LOC122539214: variants seen among roughly 807,000 people sequenced by gnomAD.
the LOC122539214 span, among the ~76,000 whole-genome samples, chr19:52,688,888 C>T: frequency 6.7e-6 from 1 of 150,072 alleles, no homozygotes; most frequent in Non-Finnish European, 1.5e-5. Flanking sequence ...TAACGCTGTC[C>T]GAATAGCCAA....
the LOC122539214 span, among the ~76,000 whole-genome samples, chr19:52,668,242 C>T: frequency 6.6e-6 from 1 of 152,154 alleles, no homozygotes; most frequent in Non-Finnish European, 1.5e-5. Context: ...TCTTGTGCTG[C>T]TAACCACTGA....
the LOC122539214 span, among the ~76,000 whole-genome samples, chr19:52,677,217 G>GTAATTTATATAAAAA: frequency 6.6e-6 from 1 of 150,586 alleles, no homozygotes; most frequent in Admixed American, 6.6e-5. Context: ...TCAGCCTGCA[G>GTAATTTATATAAAAA]TTCACACCAC....
the LOC122539214 span, chr19:52,655,598 G>A: frequency 6.0e-5 from 90 of 1,503,620 alleles, 4 homozygotes; most frequent in East Asian, 2.9e-4. Context: ...CCAACATCAC[G>A]GCCCTGTATA....
chr19:52,663,296 C>T, the LOC122539214 span, among the ~76,000 whole-genome samples: 2 of 152,136 alleles, frequency 1.3e-5, no homozygotes, highest in African/African-American at 2.4e-5. Context: ...GACAGTAATA[C>T]GTTCAAAATA....
At chr19:52,679,622 A>G in the LOC122539214 span, among the ~76,000 whole-genome samples, 8 of 152,128 alleles carry the variant, frequency 5.3e-5, no homozygotes, top group African/African-American at 9.7e-5. Context: ...AAAAATAAAT[A>G]AATAAAAGAA....
At chr19:52,658,874 C>G in the LOC122539214 span, among the ~76,000 whole-genome samples, 2 of 152,192 alleles carry the variant, frequency 1.3e-5, no homozygotes, top group African/African-American at 4.8e-5. Context: ...TTTAATCATT[C>G]ATGAAACTAC....
the LOC122539214 span, among the ~76,000 whole-genome samples, chr19:52,685,365 T>C: frequency 6.6e-6 from 1 of 152,054 alleles, no homozygotes; most frequent in African/African-American, 2.4e-5. Context: ...ACGGGAAGGG[T>C]TGGTCTTTAT....
chr19:52,680,576 G>C, the LOC122539214 span, among the ~76,000 whole-genome samples: 3 of 146,670 alleles, frequency 2.0e-5, no homozygotes, highest in South Asian at 4.4e-4. Flanking sequence ...TTTCTCCACA[G>C]TTGTGTTTTA....
chr19:52,690,394 C>T, the LOC122539214 span: 344 of 156,854 alleles, frequency 2.2e-3, 1 homozygote, highest in East Asian at 6.1e-3. Flanking sequence ...GGGACAGAAA[C>T]GCTGAGGACC....
the LOC122539214 span, among the ~76,000 whole-genome samples, chr19:52,670,104 C>G: frequency 7.2e-5 from 11 of 152,122 alleles, 1 homozygote; most frequent in Admixed American, 7.2e-4. Flanking sequence ...CACCCTGACT[C>G]ATTCCAATCA....
At chr19:52,677,090 C>A in the LOC122539214 span, among the ~76,000 whole-genome samples, 9 of 145,004 alleles carry the variant, frequency 6.2e-5, no homozygotes, top group Non-Finnish European at 1.3e-4. Flanking sequence ...CCTGCCAAAT[C>A]CCCCTCTGTG....
chr19:52,668,392 TTTTCC>T, the LOC122539214 span, among the ~76,000 whole-genome samples: 1 of 152,276 alleles, frequency 6.6e-6, no homozygotes, highest in African/African-American at 2.4e-5. Flanking sequence ...TCTATCTATC[TTTTCC>T]TTTCCTTTCC....
At chr19:52,653,412 A>G in the LOC122539214 span, 1 of 864,912 alleles carries the variant, frequency 1.2e-6, no homozygotes, top group South Asian at 1.3e-5. Context: ...GTTTCTCTTC[A>G]GTATGAACTC....
At chr19:52,652,916 G>C in the LOC122539214 span, 1 of 1,141,216 alleles carries the variant, frequency 8.8e-7, no homozygotes, top group Non-Finnish European at 1.3e-6. Context: ...CCACTATGAA[G>C]TCTATAATGG....
At chr19:52,672,879 AAG>A in the LOC122539214 span, among the ~76,000 whole-genome samples, 469 of 152,296 alleles carry the variant, frequency 3.1e-3, 3 homozygotes, top group African/African-American at 0.011. Flanking sequence ...CATGGCAAAA[AAG>A]TTTATTTTAA....
the LOC122539214 span, among the ~76,000 whole-genome samples, chr19:52,688,881 C>G: frequency 6.7e-6 from 1 of 148,476 alleles, no homozygotes; most frequent in Admixed American, 6.9e-5. Context: ...TACAGGATAA[C>G]GCTGTCCGAA....
chr19:52,683,241 T>C, the LOC122539214 span, among the ~76,000 whole-genome samples: 1 of 54,420 alleles, frequency 1.8e-5, no homozygotes, highest in Non-Finnish European at 3.8e-5. Context: ...TGTGTGTGTG[T>C]GTGTGTGTGT....
chr19:52,687,494 A>T, the LOC122539214 span, among the ~76,000 whole-genome samples: 1 of 24,416 alleles, frequency 4.1e-5, no homozygotes, highest in Admixed American at 3.5e-4. Flanking sequence ...ATTATAATTT[A>T]TATAGATATA....
At chr19:52,671,687 C>T in the LOC122539214 span, among the ~76,000 whole-genome samples, 2 of 152,310 alleles carry the variant, frequency 1.3e-5, no homozygotes, top group African/African-American at 4.8e-5. Flanking sequence ...AAGCGATCAA[C>T]CCACCTTTGC....
Sources: gnomAD v4.1 joint callset for allele counts (sites outside exome capture counted in the v4.1 genomes callset) on GRCh38, gnomAD v4.1.1 for gene constraint, MANE v1.5 for transcripts.